Variants in MAPRE2 observed in about 807,000 individuals in gnomAD.
MAPRE2 encodes microtubule associated protein RP/EB family member 2.
Under a neutral mutation model 43.2 loss-of-function variants are expected in MAPRE2, and 13 were observed. The ratio of observed to expected loss-of-function variants is 0.30; its 90% CI spans 0.20 to 0.48. MAPRE2 has a LOEUF of 0.48. Among genes scored for constraint, MAPRE2 ranks in the 20% least tolerant of loss-of-function variants. The pLI is 0.99. For synonymous variants in MAPRE2, 135 were observed against 148.8 expected (o/e 0.91, Z 0.68); for missense variants, 161 against 400.2 (o/e 0.40, Z 5.10).
intron 1 of MAPRE2, among the ~76,000 whole-genome samples, chr18:35,044,750 A>T (rs1905537326): frequency 6.6e-6 from 1 of 152,198 alleles, no homozygotes; most frequent in South Asian, 2.1e-4. Flanking sequence ...AGAGGAGGGA[A>T]CACCTAGAGG....
chr18:34,985,851 C>T (rs1383070527), intron 1 of MAPRE2, among the ~76,000 whole-genome samples: 2 of 148,566 alleles, frequency 1.3e-5, no homozygotes, highest in Admixed American at 6.9e-5. Flanking sequence ...AAGTATCTTC[C>T]AGGTATGAAA....
chr18:35,021,092 C>G (rs1463787909), intron 2 of MAPRE2, among the ~76,000 whole-genome samples: 1 of 152,092 alleles, frequency 6.6e-6, no homozygotes, highest in African/African-American at 2.4e-5. Flanking sequence ...TAGGCCATCT[C>G]AAGGGGGCAG....
chr18:35,004,440 C>T (rs774339780), intron 1 of MAPRE2, among the ~76,000 whole-genome samples: 1 of 152,156 alleles, frequency 6.6e-6, no homozygotes, highest in Non-Finnish European at 1.5e-5. Context: ...TTCATAGCAG[C>T]ATCCAGTTGA....
chr18:35,074,092 A>G (rs1907229905), intron 2 of MAPRE2, among the ~76,000 whole-genome samples: 1 of 152,226 alleles, frequency 6.6e-6, no homozygotes, highest in South Asian at 2.1e-4. Flanking sequence ...AGAGTGGGCT[A>G]TCAATGAATG....
At position 35,140,632 on chromosome 18, in the gene MAPRE2, G is replaced by C; in HGVS notation, c.*263G>C. The C allele has an allele frequency of 2.3e-6, 1 of 440,746 alleles. No individual in the cohort carries two copies. Among genetic ancestry groups the C allele is most frequent in the Non-Finnish European group, 4.1e-6 (1 of 246,368 alleles). 27.3% of individuals were successfully genotyped at this position (440,746 alleles called of 1,614,324 possible). A position where few individuals can be genotyped will look rare whatever the true frequency, so the allele number is the denominator to read the frequency against. On this transcript the variant is annotated 3_prime_UTR_variant, in exon 7 of 7. Coordinates refer to ENST00000300249, the MANE Select transcript of MAPRE2 (RefSeq NM_014268.4). ...TTCACCACTTGGCTGCTTGAGATTG[G>C]TTCTGCTCTTTTCTTCATTTCTTTC...
At chr18:35,056,328 A>G (rs574828965) in intron 1 of MAPRE2, among the ~76,000 whole-genome samples, 2 of 152,328 alleles carry the variant, frequency 1.3e-5, no homozygotes, top group South Asian at 4.1e-4. Context: ...TATTATAACA[A>G]TAGCTAAAGC....
At chr18:35,098,011 A>C (rs1480474533) in intron 3 of MAPRE2, among the ~76,000 whole-genome samples, 1 of 152,210 alleles carries the variant, frequency 6.6e-6, no homozygotes, top group East Asian at 1.9e-4. Flanking sequence ...CAGTTTACCC[A>C]TCTGTACAAT....
At chr18:35,015,633 A>AGTGTGT (rs3082290) in intron 2 of MAPRE2, among the ~76,000 whole-genome samples, 7,930 of 134,796 alleles carry the variant, frequency 0.059, 462 homozygotes, top group African/African-American at 0.14. Flanking sequence ...TAGGGATGGC[A>AGTGTGT]GTGTGTGTGT....
intron 1 of MAPRE2, among the ~76,000 whole-genome samples, chr18:34,992,640 C>T (rs1048719689): frequency 6.6e-6 from 1 of 151,714 alleles, no homozygotes; most frequent in Admixed American, 6.6e-5. Flanking sequence ...TATTTTTTTC[C>T]TTTGGGGAAT....
At chr18:35,010,279 G>A (rs1835115522) in intron 2 of MAPRE2, among the ~76,000 whole-genome samples, 1 of 152,164 alleles carries the variant, frequency 6.6e-6, no homozygotes, top group Non-Finnish European at 1.5e-5. Context: ...GGTGGCCCAT[G>A]TCTGTAGTTG....
At position 35,005,849 on chromosome 18, in the gene MAPRE2, A is replaced by G. The variant is rs553108791; in HGVS notation, c.-8+296A>G. Among the ~76,000 whole-genome samples, 22 of 152,350 alleles carry G rather than the reference A, an allele frequency of 1.4e-4. 2 individuals carry two copies. The South Asian group carries it at 3.3e-3, about 23-fold the overall frequency. ...GGTGGGGAGGGTAGAATATCAAGAT[A>G]TGGTCAAAATGAACTCATGACATCG... On this transcript the variant is annotated intron_variant, in intron 2 of 7. Coordinates refer to the MAPRE2 transcript ENST00000413393.
chr18:35,122,363 C>T (rs1909717585), intron 4 of MAPRE2, among the ~76,000 whole-genome samples: 1 of 152,242 alleles, frequency 6.6e-6, no homozygotes, highest in Admixed American at 6.5e-5. Flanking sequence ...TCGGAAGATA[C>T]TAAGATCTTT....
chr18:35,122,988 G>C (rs1176911411), intron 4 of MAPRE2, among the ~76,000 whole-genome samples: 1 of 152,230 alleles, frequency 6.6e-6, no homozygotes, highest in Non-Finnish European at 1.5e-5. Context: ...GTGGCTAGAA[G>C]GGGGAGAGCA....
At chr18:35,058,960 G>A (rs1168361788) in intron 1 of MAPRE2, among the ~76,000 whole-genome samples, 2 of 152,148 alleles carry the variant, frequency 1.3e-5, no homozygotes, top group African/African-American at 4.8e-5. Context: ...ATGGTGACTA[G>A]ACAAGTCACT....
In MAPRE2 at chr18:35,000,137, T is replaced by C. The variant is rs549560620; in HGVS notation, c.-69-5355T>C. Reference sequence around the variant, plus strand: ...AATATCTCAAAGTGGCCATGGGGAGTTTGGAATTCAGGATACAGCTTATTC... The same window carrying C: ...AATATCTCAAAGTGGCCATGGGGAGCTTGGAATTCAGGATACAGCTTATTC... On this transcript the variant is annotated intron_variant, in intron 1 of 7. Coordinates refer to the MAPRE2 transcript ENST00000413393. Among the ~76,000 whole-genome samples, 5 of 151,704 alleles carry C rather than the reference T, an allele frequency of 3.3e-5. No individual in the cohort carries two copies. The South Asian group carries it at 8.4e-4, about 25-fold the overall frequency.
rs575347953 is a variant in MAPRE2, at chr18:35,064,000, TAAAAAAAAAAA to T, written c.123-6172_123-6162del. ...ACTGCCGAGTGAGACCCTGTCTCTT[TAAAAAAAAAAA>T]AAAAAAAAAAAAAAAAAAAAAATCT... On this transcript the variant is annotated intron_variant, in intron 1 of 6. Coordinates refer to ENST00000300249, the MANE Select transcript of MAPRE2 (RefSeq NM_014268.4). Among the ~76,000 whole-genome samples, 107 of 33,970 alleles carry T rather than the reference TAAAAAAAAAAA, an allele frequency of 3.1e-3. 1 individual carries two copies. Among genetic ancestry groups the T allele is most frequent in the East Asian group, 7.3e-3 (7 of 956 alleles). 22.3% of individuals were successfully genotyped at this position (33,970 alleles called of 152,430 possible). A position where few individuals can be genotyped will look rare whatever the true frequency, so the allele number is the denominator to read the frequency against.
rs770820593 is a variant in MAPRE2 at position 35,041,545 on chromosome 18, T to A, written c.6T>A (p.Pro2=). ...CCCTTCTCGGGAGTGCGCCAATGCC[T>A]GGGCCGACCCAAACCCTGTCCCCAA... M[P]GPTQTLSPNG... is the part of the protein sequence containing the mutation. Residue 2 remains proline (P), a synonymous_variant, in exon 1 of 7, where the codon CCT becomes CCA. Coordinates refer to ENST00000300249, the MANE Select transcript of MAPRE2 (RefSeq NM_014268.4). The A allele has an allele frequency of 1.9e-6, 3 of 1,614,038 alleles. No individual in the cohort carries two copies. Among genetic ancestry groups the A allele is most frequent in the African/African-American group, 1.3e-5 (1 of 74,926 alleles).
chr18:35,138,978 C>T (rs551825086), intron 6 of MAPRE2, among the ~76,000 whole-genome samples: 1 of 152,258 alleles, frequency 6.6e-6, no homozygotes, highest in East Asian at 1.9e-4. Context: ...TTGAGTCTTA[C>T]ATAAGAAAGA....
intron 4 of MAPRE2, 74 bp downstream of exon 4, chr18:35,102,233 G>A (rs1908713983): frequency 1.8e-6 from 2 of 1,125,476 alleles, no homozygotes; most frequent in Non-Finnish European, 1.3e-6. Context: ...TATTTACTGT[G>A]TGTTTCTGAC....
Sources: allele counts gnomAD v4.1 joint callset (sites outside exome capture counted in the v4.1 genomes callset), GRCh38; gene constraint gnomAD v4.1.1; transcripts MANE v1.5; gene names NCBI Gene and HGNC (gene_info 2026-07-23, HGNC 2026-07-21).